The following CAPS2 variants were observed in gnomAD, a reference collection of about 807,000 sequenced individuals.
CAPS2 encodes calcyphosine 2, also known as calcyphosin-2.
CAPS2 carries 98 observed loss-of-function variants against 86.5 expected under a neutral mutation model. The ratio of observed to expected loss-of-function variants is 1.13; its 90% confidence interval spans 0.96 to 1.34. CAPS2 has a LOEUF of 1.34. CAPS2 is among the 40% of genes most tolerant of loss of function. The pLI is 0.00. For missense variants in CAPS2, 729 were observed against 686.8 expected (o/e 1.06, Z -0.69); for synonymous variants, 210 against 225.1 (o/e 0.93, Z 0.60).
intron 1 of CAPS2, among the ~76,000 whole-genome samples, chr12:75,349,516 G>A (rs2042667348): frequency 6.6e-6 from 1 of 152,156 alleles, no homozygotes; most frequent in African/African-American, 2.4e-5. Context: ...GAATCAATAA[G>A]TTGAAATGAA....
chr12:75,321,323 C>A, intron 5 of CAPS2, 77 bp downstream of exon 5: 1 of 900,196 alleles, frequency 1.1e-6, no homozygotes. Context: ...CAAGATATGT[C>A]ACACAAAAAG....
chr12:75,292,968 C>A (rs372138531), intron 12 of CAPS2, among the ~76,000 whole-genome samples: 1 of 150,984 alleles, frequency 6.6e-6, no homozygotes, highest in Non-Finnish European at 1.5e-5. Flanking sequence ...TTTGGTAATA[C>A]TTGGTAAAAT....
chr12:75,329,945 A>G, upstream of CAPS2: 1 of 1,269,134 alleles, frequency 7.9e-7, no homozygotes. Context: ...GCTCGGTAAG[A>G]AGAGGTCCAG....
intron 11 of CAPS2, among the ~76,000 whole-genome samples, chr12:75,294,110 AT>A (rs1408972105): frequency 6.6e-6 from 1 of 151,446 alleles, no homozygotes; most frequent in Non-Finnish European, 1.5e-5. Context: ...TCTTATCTTT[AT>A]TTTTTTGTAT....
At chr12:75,309,905 C>A (rs1302516385) in intron 7 of CAPS2, among the ~76,000 whole-genome samples, 12 of 152,166 alleles carry the variant, frequency 7.9e-5, no homozygotes, top group Non-Finnish European at 1.6e-4. Flanking sequence ...TATAAGAAAT[C>A]TTAATGTTAA....
chr12:75,316,217 A>G, intron 6 of CAPS2, 95 bp downstream of exon 6: 1 of 1,437,494 alleles, frequency 7.0e-7, no homozygotes, highest in Admixed American at 2.4e-5. Flanking sequence ...TTCAAATTCA[A>G]CTGTTGCAAT....
intron 5 of CAPS2, among the ~76,000 whole-genome samples, chr12:75,320,421 A>G (rs2040192994): frequency 6.6e-6 from 1 of 152,154 alleles, no homozygotes; most frequent in Non-Finnish European, 1.5e-5. Context: ...CTAAAAGGTT[A>G]TGAAATTATT....
chr12:75,360,948 C>T (rs1008169189), intron 1 of CAPS2: 8 of 152,188 alleles, frequency 5.3e-5, no homozygotes, highest in Admixed American at 1.3e-4. Flanking sequence ...CTGTTGCAGT[C>T]TTTCTTCCCC....
intron 1 of CAPS2, among the ~76,000 whole-genome samples, chr12:75,335,778 G>C (rs1234552062): frequency 6.6e-6 from 1 of 152,000 alleles, no homozygotes; most frequent in African/African-American, 2.4e-5. Context: ...ATGCAGAATT[G>C]TTAAGATATT....
At chr12:75,329,559 T>C (rs568489146), upstream of CAPS2, among the ~76,000 whole-genome samples, 138 of 152,140 alleles carry the variant, frequency 9.1e-4, no homozygotes, top group African/African-American at 3.2e-3. Context: ...CTGGCTATTA[T>C]GTTACTTATA....
In CAPS2 at chr12:75,305,353, T is replaced by G; in HGVS notation, c.660-477A>C. 6 of 331,724 alleles carry G rather than the reference T, an allele frequency of 1.8e-5. No individual in the cohort carries two copies. The South Asian group carries it at 2.3e-4, about 13-fold the overall frequency. 20.5% of individuals were successfully genotyped at this position (331,724 alleles called of 1,614,324 possible). On this transcript the variant is annotated intron_variant, in intron 7 of 16. Coordinates refer to ENST00000393284, the Ensembl canonical transcript of CAPS2. Reference sequence around the variant, plus strand: ...GATATTTGCACTGATTCTTAAAAGGTGAGAGTACAAGACTTCCTCTCCAGG... The same window carrying G: ...GATATTTGCACTGATTCTTAAAAGGGGAGAGTACAAGACTTCCTCTCCAGG...
upstream of CAPS2, chr12:75,334,361 C>T (rs2041556541): frequency 1.9e-6 from 1 of 517,632 alleles, no homozygotes; most frequent in African/African-American, 2.0e-5. Flanking sequence ...GGCCCATTGT[C>T]AGCATCCCGC....
intron 1 of CAPS2, among the ~76,000 whole-genome samples, chr12:75,355,135 C>A (rs1156303269): frequency 6.6e-6 from 1 of 151,998 alleles, no homozygotes; most frequent in Admixed American, 6.6e-5. Flanking sequence ...TAAATGGGAT[C>A]AATTAAACTA....
upstream of CAPS2, among the ~76,000 whole-genome samples, chr12:75,329,181 G>C (rs1442463504): frequency 6.6e-6 from 1 of 152,194 alleles, no homozygotes; most frequent in African/African-American, 2.4e-5. Flanking sequence ...CGAGGGGAAT[G>C]AGCTGTAGGG....
At chr12:75,387,646 T>C (rs2045360591) in intron 1 of CAPS2, among the ~76,000 whole-genome samples, 1 of 152,186 alleles carries the variant, frequency 6.6e-6, no homozygotes, top group South Asian at 2.1e-4. Flanking sequence ...CAAGGGGCCA[T>C]ATCTGGTGTG....
At chr12:75,335,351 G>A (rs1449632821) in intron 1 of CAPS2, among the ~76,000 whole-genome samples, 1 of 151,948 alleles carries the variant, frequency 6.6e-6, no homozygotes, top group African/African-American at 2.4e-5. Context: ...CACTTCATGT[G>A]TAGTATTATT....
chr12:75,351,796 C>T (rs562711399), intron 1 of CAPS2, among the ~76,000 whole-genome samples: 1 of 152,296 alleles, frequency 6.6e-6, no homozygotes, highest in African/African-American at 2.4e-5. Flanking sequence ...ATCCACCCTC[C>T]TTGGCCTCCC....
intron 1 of CAPS2, among the ~76,000 whole-genome samples, chr12:75,338,839 A>G (rs1359476125): frequency 2.3e-4 from 35 of 151,366 alleles, no homozygotes; most frequent in Admixed American, 2.3e-3. Flanking sequence ...CTTATAAGTG[A>G]GAACATGTGG....
At chr12:75,377,559 C>T (rs914801479) in intron 1 of CAPS2, among the ~76,000 whole-genome samples, 4 of 152,018 alleles carry the variant, frequency 2.6e-5, no homozygotes, top group African/African-American at 4.8e-5. Context: ...GCTGAAGAGG[C>T]GGGAGTCTGA....
Sources: gnomAD v4.1 joint callset for allele counts (sites outside exome capture counted in the v4.1 genomes callset) on GRCh38, gnomAD v4.1.1 for gene constraint, MANE v1.5 for transcripts, NCBI Gene and HGNC (gene_info 2026-07-23, HGNC 2026-07-21) for gene names.